Variants in FBXL2 observed in about 807,000 individuals in gnomAD.
FBXL2 encodes the protein F-box/LRR-repeat protein 2.
In FBXL2, 38 loss-of-function variants were observed where a neutral mutation model predicts 69.2. The observed-to-expected ratio is 0.55, with a 90% CI of 0.42 to 0.72. The LOEUF is 0.72. FBXL2 is among the 30% of genes least tolerant of loss of function. The probability of loss-of-function intolerance (pLI) is 0.00; values close to 1 mark genes in which losing one functional copy is unlikely to be tolerated. For synonymous variants in FBXL2, 192 were observed against 201.3 expected (o/e 0.95, Z 0.39); for missense variants, 354 against 520.3 (o/e 0.68, Z 3.11).
rs529061921 is a variant in FBXL2, at chr3:33,386,401, C to G, written c.*793C>G. The G allele has an allele frequency of 6.6e-6, 1 of 151,866 alleles. No individual in the cohort carries two copies. Among genetic ancestry groups the G allele is most frequent in the Non-Finnish European group, 1.5e-5 (1 of 68,000 alleles). The allele number at this position is 151,866 out of a possible 1,614,324, so 9.4% of individuals were successfully genotyped here. A position where few individuals can be genotyped will look rare whatever the true frequency, so the allele number is the denominator to read the frequency against. On this transcript the variant is annotated 3_prime_UTR_variant, in exon 15 of 15. Transcript: ENST00000484457. ...ATGCCTCTCGTAAAACTGGGGGGAA[C>G]CTTAAAGAGAAAGAACTAAGGCTTA...
chr3:33,303,118 G>A (rs899223617), intron 2 of FBXL2: 20 of 456,588 alleles, frequency 4.4e-5, no homozygotes, highest in Admixed American at 9.4e-5. Context: ...ATTTCCTGCT[G>A]TCTGTGGTGC....
chr3:33,391,014 G>A (rs1003721146), downstream of FBXL2: 7 of 152,326 alleles, frequency 4.6e-5, no homozygotes, highest in African/African-American at 7.2e-5. Flanking sequence ...TGCAATTATA[G>A]TATATGTCTT....
chr3:33,332,484 G>A (rs1387497829), intron 2 of FBXL2, among the ~76,000 whole-genome samples: 1 of 152,150 alleles, frequency 6.6e-6, no homozygotes, highest in Non-Finnish European at 1.5e-5. Context: ...AATATGCATA[G>A]CAGTATTTTT....
At chr3:33,372,375 C>T (rs2154047889) in intron 5 of FBXL2, 1 of 152,754 alleles carries the variant, frequency 6.5e-6, no homozygotes, top group East Asian at 1.9e-4. Context: ...CAGACAGTCC[C>T]ATCAGGCTTG....
intron 5 of FBXL2, among the ~76,000 whole-genome samples, chr3:33,371,330 AT>A (rs749436186): frequency 0.1 from 14,051 of 134,124 alleles, 730 homozygotes; most frequent in Admixed American, 0.16. Flanking sequence ...ATACCAGCTA[AT>A]TTTTTTTTTT....
chr3:33,307,948 C>A, intron 2 of FBXL2, among the ~76,000 whole-genome samples: 1 of 152,006 alleles, frequency 6.6e-6, no homozygotes, highest in East Asian at 1.9e-4. Context: ...TTGAAATTAC[C>A]TTTATTGAAA....
chr3:33,376,083 G>A (rs1047501695), intron 10 of FBXL2, among the ~76,000 whole-genome samples: 37 of 151,792 alleles, frequency 2.4e-4, no homozygotes, highest in Middle Eastern at 6.8e-3. Flanking sequence ...TTGAACCCGC[G>A]AGGCGGAGGT....
intron 5 of FBXL2, among the ~76,000 whole-genome samples, chr3:33,365,330 A>G (rs1460548230): frequency 6.7e-6 from 1 of 148,408 alleles, no homozygotes; most frequent in Non-Finnish European, 1.5e-5. Flanking sequence ...CTCAGGCTGG[A>G]GTGCAACGGC....
intron 2 of FBXL2, among the ~76,000 whole-genome samples, chr3:33,342,637 TGAG>T (rs2040119879): frequency 6.7e-6 from 1 of 150,278 alleles, no homozygotes; most frequent in Non-Finnish European, 1.5e-5. Flanking sequence ...TTTCCCAACT[TGAG>T]GACCAAATGC....
At chr3:33,381,646 T>TA (rs60891737) in intron 13 of FBXL2, among the ~76,000 whole-genome samples, 36,804 of 149,156 alleles carry the variant, frequency 0.25, 5,280 homozygotes, top group East Asian at 0.47. Context: ...AATAAAAATT[T>TA]AAAAAAAAAA....
intron 12 of FBXL2, among the ~76,000 whole-genome samples, chr3:33,402,480 CCT>C (rs1449793029): frequency 6.6e-6 from 1 of 152,120 alleles, no homozygotes. Context: ...TCACTTTGTC[CCT>C]CTCTCTCTAC....
chr3:33,304,178 C>T (rs2036521462), intron 2 of FBXL2, among the ~76,000 whole-genome samples: 1 of 151,994 alleles, frequency 6.6e-6, no homozygotes, highest in Admixed American at 6.6e-5. Flanking sequence ...ACTCATAATT[C>T]TTGGTTAATG....
rs77973438 is a variant in FBXL2 at position 33,333,143 on chromosome 3, G to T, written c.66-25824G>T. ...TAATGGGTATAGTGTTTTCTTTTGG[G>T]GCAATGAAAATATTTTGAAATGTGG... On this transcript the variant is annotated intron_variant, in intron 2 of 14. Coordinates refer to ENST00000484457, the MANE Select transcript of FBXL2 (RefSeq NM_012157.5). 1.4e-3 allele frequency among the ~76,000 whole-genome samples: 217 copies of T among 152,070 alleles called. 2 individuals carry two copies. The highest frequency in any genetic ancestry group is 1.4e-3 in the Non-Finnish European group (96 of 67,996).
chr3:33,332,668 A>G (rs1466572346), intron 2 of FBXL2, among the ~76,000 whole-genome samples: 1 of 152,236 alleles, frequency 6.6e-6, no homozygotes, highest in Non-Finnish European at 1.5e-5. Context: ...GCTAAATAGT[A>G]TGGCCTACTG....
At position 33,378,579 on chromosome 3, in the gene FBXL2, G is replaced by A. The variant is rs543153771; in HGVS notation, c.895-106G>A. 43 of 1,200,772 alleles carry A rather than the reference G, an allele frequency of 3.6e-5. No individual in the cohort carries two copies. In the South Asian group the frequency reaches 6.0e-4, roughly 17 times the overall value. The allele number at this position is 1,200,772 out of a possible 1,614,324, so 74.4% of individuals were successfully genotyped here. The stretch of plus-strand genomic sequence containing the variant: ...CCCAGCCCCAGAGTGTTTGAGATGA[G>A]TTTTTAATTCTTTTACACCTTTTGA... On this transcript the variant is annotated intron_variant, in intron 12 of 14. Transcript: ENST00000484457.
chr3:33,306,198 TC>T (rs1462655894), intron 2 of FBXL2, among the ~76,000 whole-genome samples: 2 of 152,134 alleles, frequency 1.3e-5, no homozygotes, highest in African/African-American at 4.8e-5. Flanking sequence ...TTTTTCTTAT[TC>T]AGTTTCAAAT....
chr3:33,416,796 T>C, the FBXL2 span: 2 of 1,613,574 alleles, frequency 1.2e-6, no homozygotes, highest in Non-Finnish European at 1.7e-6. Flanking sequence ...ATATCACCCA[T>C]TTTCCGATTA....
downstream of FBXL2, chr3:33,408,615 C>T (rs774619465): frequency 9.0e-6 from 11 of 1,215,728 alleles, no homozygotes; most frequent in Admixed American, 5.4e-5. Flanking sequence ...CTTTACTTTG[C>T]GGTGGAAGTT....
intron 2 of FBXL2, among the ~76,000 whole-genome samples, chr3:33,318,926 G>A (rs1401288934): frequency 1.3e-5 from 2 of 152,174 alleles, no homozygotes; most frequent in East Asian, 3.8e-4. Flanking sequence ...GTACCTGCAA[G>A]GGGGTTTGGG....
Sources: gnomAD v4.1 joint callset for allele counts (sites outside exome capture counted in the v4.1 genomes callset) on GRCh38, gnomAD v4.1.1 for gene constraint, MANE v1.5 for transcripts, NCBI Gene and HGNC (gene_info 2026-07-23, HGNC 2026-07-21) for gene names.